The following NPAS3 variants were observed in gnomAD, a reference collection of about 807,000 sequenced individuals.
NPAS3 encodes neuronal PAS domain protein 3.
NPAS3 carries 14 observed loss-of-function variants against 73.1 expected under a neutral mutation model. That is an observed-to-expected ratio of 0.19 (90% CI 0.13 to 0.30). NPAS3 has a LOEUF of 0.30. Among genes scored for constraint, NPAS3 ranks in the 10% least tolerant of loss-of-function variants. NPAS3 has a pLI of 1.00. For synonymous variants in NPAS3, 620 were observed against 541.5 expected (o/e 1.14, Z -2.01); for missense variants, 1,096 against 1,250.0 (o/e 0.88, Z 1.86).
At chr14:33,467,266 T>C (rs962927711) in intron 4 of NPAS3, among the ~76,000 whole-genome samples, 6 of 152,210 alleles carry the variant, frequency 3.9e-5, no homozygotes, top group African/African-American at 1.4e-4. Context: ...ACTCAACACA[T>C]GTGCCAGGTC....
At chr14:33,600,847 A>G (rs1210418981) in intron 5 of NPAS3, among the ~76,000 whole-genome samples, 1 of 152,244 alleles carries the variant, frequency 6.6e-6, no homozygotes, top group Non-Finnish European at 1.5e-5. Context: ...CTGAAACAGC[A>G]TAGGAAAAGA....
intron 2 of NPAS3, among the ~76,000 whole-genome samples, chr14:33,188,058 T>C (rs1250167830): frequency 2.0e-5 from 3 of 152,200 alleles, no homozygotes; most frequent in African/African-American, 7.2e-5. Flanking sequence ...AGTGATGGTG[T>C]GAGGACTGAA....
At chr14:33,639,399 C>G (rs961333024) in intron 5 of NPAS3, among the ~76,000 whole-genome samples, 1 of 152,014 alleles carries the variant, frequency 6.6e-6, no homozygotes, top group Non-Finnish European at 1.5e-5. Context: ...AGATAATTTT[C>G]TAAAAAGACA....
chr14:33,481,668 A>G (rs2051330562), intron 4 of NPAS3, among the ~76,000 whole-genome samples: 2 of 152,306 alleles, frequency 1.3e-5, no homozygotes, highest in Middle Eastern at 6.8e-3. Flanking sequence ...CTTAGCAAGA[A>G]TCTCTGAAAA....
intron 2 of NPAS3, among the ~76,000 whole-genome samples, chr14:33,102,572 A>G (rs532997883): frequency 2.6e-5 from 4 of 152,276 alleles, no homozygotes; most frequent in African/African-American, 7.2e-5. Context: ...AACTGTTTGT[A>G]TTATTTTTAT....
chr14:33,502,382 C>T (rs1310630178), intron 4 of NPAS3, among the ~76,000 whole-genome samples: 2 of 151,834 alleles, frequency 1.3e-5, no homozygotes, highest in Non-Finnish European at 2.9e-5. Context: ...GCTTCTTACC[C>T]ATCATCCTCA....
intron 2 of NPAS3, among the ~76,000 whole-genome samples, chr14:33,091,939 T>C (rs2042240239): frequency 6.6e-6 from 1 of 152,164 alleles, no homozygotes; most frequent in African/African-American, 2.4e-5. Context: ...TGCTAAAAAC[T>C]CTTAATAAAT....
intron 6 of NPAS3, among the ~76,000 whole-genome samples, chr14:33,734,156 G>A (rs570540963): frequency 7.9e-5 from 12 of 151,864 alleles, no homozygotes; most frequent in East Asian, 1.9e-4. Flanking sequence ...GAAAATTAGC[G>A]TTAGCATACG....
chr14:33,253,882 C>T (rs2139910030), intron 3 of NPAS3, among the ~76,000 whole-genome samples: 1 of 152,126 alleles, frequency 6.6e-6, no homozygotes, highest in Admixed American at 6.6e-5. Context: ...ATAGGCTTCT[C>T]AAATTCAAAA....
intron 1 of NPAS3, among the ~76,000 whole-genome samples, chr14:32,958,484 C>T (rs1042896776): frequency 6.6e-6 from 1 of 152,178 alleles, no homozygotes; most frequent in Non-Finnish European, 1.5e-5. Context: ...TTCTGGTATT[C>T]CTCCCAGTTA....
rs566528818 is a variant in NPAS3, at chr14:33,740,441, C to A, written c.852+5109C>A. On this transcript the variant is annotated intron_variant, in intron 7 of 11. Transcript: ENST00000356141. ...CAGTATGCTGCACATAGTTGTCACT[C>A]AATAAATGTTGATTTAATTGAATTG... 7.9e-5 allele frequency among the ~76,000 whole-genome samples: 12 copies of A among 152,288 alleles called. 1 individual carries two copies. In the South Asian group the frequency reaches 2.5e-3, roughly 32 times the overall value.
intron 6 of NPAS3, among the ~76,000 whole-genome samples, chr14:33,699,619 C>T (rs2060475504): frequency 6.6e-6 from 1 of 152,192 alleles, no homozygotes; most frequent in South Asian, 2.1e-4. Flanking sequence ...AATGCTGAAA[C>T]CCTTTGCCTC....
chr14:33,393,759 T>C (rs2047106833), intron 4 of NPAS3, among the ~76,000 whole-genome samples: 1 of 152,130 alleles, frequency 6.6e-6, no homozygotes, highest in Non-Finnish European at 1.5e-5. Flanking sequence ...ATTTCAGTGC[T>C]CTCAGGGGAT....
intron 2 of NPAS3, among the ~76,000 whole-genome samples, chr14:33,126,216 C>T (rs2043421417): frequency 6.6e-6 from 1 of 152,128 alleles, no homozygotes; most frequent in Admixed American, 6.6e-5. Flanking sequence ...TTGATATCAA[C>T]CACTACTTAT....
Position 33,491,308 on chromosome 14 carries a change from A to G in NPAS3, c.469-68813A>G, listed in dbSNP as rs1209953473. Among the ~76,000 whole-genome samples, 17 of 151,992 alleles carry G rather than the reference A, an allele frequency of 1.1e-4. No individual in the cohort carries two copies. In the South Asian group the frequency reaches 2.7e-3, roughly 24 times the overall value. On this transcript the variant is annotated intron_variant, in intron 4 of 11. Coordinates refer to ENST00000356141, the Ensembl canonical transcript of NPAS3. ...AGAGAAATAACTGACTCAGCGTTGT[A>G]TTAGGGATTACACATAAAGCCAAGA... is the stretch of plus-strand genomic sequence containing the variant.
intron 4 of NPAS3, among the ~76,000 whole-genome samples, chr14:33,522,251 T>A (rs1226751851): frequency 6.6e-6 from 1 of 152,208 alleles, no homozygotes; most frequent in African/African-American, 2.4e-5. Context: ...GGATGAAATA[T>A]CATATTTCAT....
intron 2 of NPAS3, among the ~76,000 whole-genome samples, chr14:33,195,282 T>C (rs200171104): frequency 6.6e-6 from 1 of 152,132 alleles, no homozygotes; most frequent in East Asian, 1.9e-4. Context: ...TTTTCTTTTG[T>C]TTTTTCAAGA....
intron 3 of NPAS3, among the ~76,000 whole-genome samples, chr14:33,338,422 T>C (rs1173342081): frequency 3.3e-5 from 5 of 152,210 alleles, no homozygotes; most frequent in Non-Finnish European, 5.9e-5. Context: ...TGTTACTAAC[T>C]CTTTTAGGTG....
chr14:33,427,118 G>A (rs1272558951), intron 4 of NPAS3, among the ~76,000 whole-genome samples: 3 of 152,030 alleles, frequency 2.0e-5, no homozygotes, highest in Non-Finnish European at 4.4e-5. Flanking sequence ...CTAGCAGAGA[G>A]ATAGTTACAA....
Sources: gnomAD v4.1 joint callset for allele counts (sites outside exome capture counted in the v4.1 genomes callset) on GRCh38, gnomAD v4.1.1 for gene constraint, MANE v1.5 for transcripts, NCBI Gene and HGNC (gene_info 2026-07-23, HGNC 2026-07-21) for gene names.